ELMO1: variants seen among roughly 807,000 people sequenced by gnomAD.
ELMO1 encodes engulfment and cell motility 1, also known as engulfment and cell motility protein 1.
In ELMO1, 26 loss-of-function variants were observed where a neutral mutation model predicts 98.9. The ratio of observed to expected loss-of-function variants is 0.26; its 90% confidence interval spans 0.19 to 0.36. ELMO1 has a LOEUF of 0.36. ELMO1 is among the 10% of genes least tolerant of loss of function. The probability of loss-of-function intolerance (pLI) is 1.00; values close to 1 mark genes in which losing one functional copy is unlikely to be tolerated. For missense variants in ELMO1, 627 were observed against 935.2 expected, an observed-to-expected ratio of 0.67 and a Z score of 4.30; for synonymous variants, 346 against 346.0, an observed-to-expected ratio of 1.00 and a Z score of 0.00.
chr7:37,293,528 C>A lies in ELMO1; in HGVS notation c.192+21322G>T, dbSNP rs13232705. 1.4e-4 allele frequency among the ~76,000 whole-genome samples: 14 copies of A among 99,758 alleles called. No homozygotes were observed. The East Asian group carries it at 2.7e-3, about 19-fold the overall frequency. 65.4% of individuals were successfully genotyped at this position (99,758 alleles called of 152,430 possible). A position where few individuals can be genotyped will look rare whatever the true frequency, so the allele number is the denominator to read the frequency against. On this transcript the variant is annotated intron_variant, in intron 4 of 21. Transcript: ENST00000310758. Reference sequence around the variant, plus strand: ...ACAGATGCTTGAAGGCAGCATGCTCCTTAAGAGTCATCACCACTCCCTAAT... The same window carrying A: ...ACAGATGCTTGAAGGCAGCATGCTCATTAAGAGTCATCACCACTCCCTAAT...
chr7:36,970,081 A>G (rs896109231), intron 16 of ELMO1, among the ~76,000 whole-genome samples: 1 of 151,984 alleles, frequency 6.6e-6, no homozygotes, highest in Non-Finnish European at 1.5e-5. Context: ...CTCATTCTCC[A>G]TCATTATCCA....
intron 16 of ELMO1, among the ~76,000 whole-genome samples, chr7:36,960,048 C>G (rs991628605): frequency 6.6e-6 from 1 of 152,180 alleles, no homozygotes; most frequent in Non-Finnish European, 1.5e-5. Context: ...GTCTGTTCCT[C>G]CTGTCCATTG....
At chr7:37,321,527 C>CT (rs983387823) in intron 2 of ELMO1, among the ~76,000 whole-genome samples, 7 of 151,672 alleles carry the variant, frequency 4.6e-5, no homozygotes, top group African/African-American at 1.7e-4. Flanking sequence ...AGCATCCTGG[C>CT]TAACACGTTG....
intron 6 of ELMO1, among the ~76,000 whole-genome samples, chr7:37,249,966 C>T (rs1795247994): frequency 6.6e-6 from 1 of 152,078 alleles, no homozygotes. Context: ...TAGTCCCTAC[C>T]TACTCAGGAG....
chr7:37,341,612 G>C (rs1212931313), intron 2 of ELMO1, among the ~76,000 whole-genome samples: 1 of 152,058 alleles, frequency 6.6e-6, no homozygotes, highest in Non-Finnish European at 1.5e-5. Context: ...ATTCTGAGCT[G>C]ACCCGTATAA....
At chr7:37,010,648 T>C (rs1224679875) in intron 16 of ELMO1, among the ~76,000 whole-genome samples, 1 of 152,220 alleles carries the variant, frequency 6.6e-6, no homozygotes, top group Non-Finnish European at 1.5e-5. Flanking sequence ...CTAGAGCCTC[T>C]GGAAAGAAAC....
chr7:37,343,811 ATG>A (rs1241759826), intron 1 of ELMO1, among the ~76,000 whole-genome samples: 1 of 151,988 alleles, frequency 6.6e-6, no homozygotes, highest in Non-Finnish European at 1.5e-5. Context: ...GTTAACAATC[ATG>A]TGATACAAAC....
At chr7:37,027,698 G>A (rs1219488304) in intron 15 of ELMO1, among the ~76,000 whole-genome samples, 8 of 152,114 alleles carry the variant, frequency 5.3e-5, no homozygotes, top group Non-Finnish European at 1.0e-4. Flanking sequence ...ACCCAAGCTC[G>A]TGTGGGAAAG....
At chr7:37,380,078 G>A (rs776748025) in intron 1 of ELMO1, among the ~76,000 whole-genome samples, 21 of 152,152 alleles carry the variant, frequency 1.4e-4, no homozygotes, top group African/African-American at 1.9e-4. Context: ...CTGAATATGC[G>A]TGACTCTTGT....
In ELMO1 at chr7:37,352,026, AAG is replaced by A. The variant is rs148896644; in HGVS notation, c.-73-9265_-73-9264del. Among the ~76,000 whole-genome samples, 248 of 152,378 alleles carry A rather than the reference AAG, an allele frequency of 1.6e-3. 1 individual carries two copies. The highest frequency in any genetic ancestry group is 5.8e-3 in the African/African-American group (241 of 41,592). ...TATTTATAAATGCAATGCAAAAATAAAGAGTCAGGATTCTTGGAAAAAACTGA... is the reference window on the plus strand; with the variant it reads ...TATTTATAAATGCAATGCAAAAATAAAGTCAGGATTCTTGGAAAAAACTGA... On this transcript the variant is annotated intron_variant, in intron 1 of 21. Transcript: ENST00000310758.
intron 5 of ELMO1, among the ~76,000 whole-genome samples, chr7:37,265,937 A>T (rs1378251467): frequency 1.3e-5 from 2 of 151,528 alleles, no homozygotes; most frequent in Non-Finnish European, 2.9e-5. Context: ...CTCAAAGAGC[A>T]CCACATGCTG....
At chr7:37,175,881 G>A (rs185069661) in intron 13 of ELMO1, among the ~76,000 whole-genome samples, 9 of 152,028 alleles carry the variant, frequency 5.9e-5, no homozygotes, top group Admixed American at 2.6e-4. Flanking sequence ...ACCAACAAAC[G>A]ACTCATGATC....
At chr7:37,153,181 A>G (rs1788479901) in intron 13 of ELMO1, among the ~76,000 whole-genome samples, 1 of 152,228 alleles carries the variant, frequency 6.6e-6, no homozygotes, top group African/African-American at 2.4e-5. Context: ...AAGATGGCCA[A>G]ATAGAAACAG....
intron 1 of ELMO1, among the ~76,000 whole-genome samples, chr7:37,364,482 G>A (rs1414060292): frequency 6.6e-6 from 1 of 152,098 alleles, no homozygotes; most frequent in African/African-American, 2.4e-5. Context: ...TTCATCCAAT[G>A]GGAGAAAGAG....
intron 16 of ELMO1, among the ~76,000 whole-genome samples, chr7:37,010,495 A>G (rs1793469892): frequency 6.6e-6 from 1 of 152,242 alleles, no homozygotes; most frequent in Admixed American, 6.5e-5. Flanking sequence ...AGACCAAGGC[A>G]GAAGAGGGAT....
At chr7:37,169,349 G>T (rs531393592) in intron 13 of ELMO1, among the ~76,000 whole-genome samples, 2 of 152,162 alleles carry the variant, frequency 1.3e-5, no homozygotes, top group African/African-American at 4.8e-5. Flanking sequence ...TGCACCCAAT[G>T]ACCTGCGCCC....
intron 2 of ELMO1, among the ~76,000 whole-genome samples, chr7:37,318,869 T>A (rs1799341730): frequency 6.6e-6 from 1 of 152,168 alleles, no homozygotes; most frequent in Non-Finnish European, 1.5e-5. Flanking sequence ...TTTGACACTG[T>A]TACTACTTCC....
chr7:37,229,233 G>A lies in ELMO1; in HGVS notation c.549+3862C>T, dbSNP rs149821207. Among the ~76,000 whole-genome samples the A allele has an allele frequency of 2.6e-3, 403 of 152,272 alleles. 6 individuals are homozygous for A. Among genetic ancestry groups the A allele is most frequent in the African/African-American group, 9.3e-3 (387 of 41,536 alleles). On this transcript the variant is annotated intron_variant, in intron 8 of 21. Coordinates refer to ENST00000310758, the MANE Select transcript of ELMO1 (RefSeq NM_014800.11). ...ATATGAAACTTTCCTTCCAAAAGAAGGCACTGATGTTATACTTGGCTAGGG... is the reference window on the plus strand; with the variant it reads ...ATATGAAACTTTCCTTCCAAAAGAAAGCACTGATGTTATACTTGGCTAGGG...
chr7:37,358,717 A>G (rs565491895), intron 1 of ELMO1, among the ~76,000 whole-genome samples: 9 of 148,458 alleles, frequency 6.1e-5, no homozygotes, highest in Non-Finnish European at 9.1e-5. Context: ...AAATATGGGG[A>G]AAAAAAAGAG....
Sources: gnomAD v4.1 joint callset for allele counts (sites outside exome capture counted in the v4.1 genomes callset) on GRCh38, gnomAD v4.1.1 for gene constraint, MANE v1.5 for transcripts, NCBI Gene and HGNC (gene_info 2026-07-23, HGNC 2026-07-21) for gene names.